Variants in ARB2A observed in about 807,000 individuals in gnomAD.
ARB2A encodes cotranscriptional regulator ARB2A.
At chr5:93,638,119 T>C in the ARB2A span, among the ~76,000 whole-genome samples, 1 of 152,232 alleles carries the variant, frequency 6.6e-6, no homozygotes, top group Non-Finnish European at 1.5e-5. Flanking sequence ...CTTGGAACTT[T>C]CCTAAACATT....
chr5:93,987,222 C>G, the ARB2A span, among the ~76,000 whole-genome samples: 33 of 152,062 alleles, frequency 2.2e-4, no homozygotes, highest in East Asian at 5.6e-3. Context: ...CCATCCTAGC[C>G]GCCTCCTAGA....
chr5:93,792,028 G>A, the ARB2A span, among the ~76,000 whole-genome samples: 9 of 152,142 alleles, frequency 5.9e-5, no homozygotes, highest in African/African-American at 2.2e-4. Context: ...TGTGGTTGGG[G>A]GTGGGGAGGG....
the ARB2A span, among the ~76,000 whole-genome samples, chr5:94,003,832 G>A: frequency 1.3e-5 from 2 of 152,086 alleles, no homozygotes; most frequent in Admixed American, 6.5e-5. Flanking sequence ...ATTTTTGGTA[G>A]ATATAGATGA....
At chr5:93,724,725 A>G in the ARB2A span, among the ~76,000 whole-genome samples, 2 of 152,156 alleles carry the variant, frequency 1.3e-5, no homozygotes, top group East Asian at 3.9e-4. Flanking sequence ...ACCAAACCCT[A>G]CATATACAGT....
chr5:93,793,699 GGTTCCCTAGGAAA>G, the ARB2A span, among the ~76,000 whole-genome samples: 27 of 152,234 alleles, frequency 1.8e-4, no homozygotes, highest in East Asian at 3.9e-3. Context: ...ATCACAGGTT[GGTTCCCTAGGAAA>G]GACTCTAAGA....
chr5:93,730,971 T>C, the ARB2A span, among the ~76,000 whole-genome samples: 1 of 152,126 alleles, frequency 6.6e-6, no homozygotes, highest in African/African-American at 2.4e-5. Flanking sequence ...CCTAGAATGG[T>C]GGTATTATTT....
chr5:93,782,499 A>T, the ARB2A span, among the ~76,000 whole-genome samples: 1 of 152,286 alleles, frequency 6.6e-6, no homozygotes. Context: ...GCTTGTTCTG[A>T]ATTACTTCCA....
At chr5:93,646,698 A>T in the ARB2A span, among the ~76,000 whole-genome samples, 1 of 152,094 alleles carries the variant, frequency 6.6e-6, no homozygotes, top group East Asian at 1.9e-4. Context: ...TAAAAAAAAA[A>T]TCATAAAATT....
At chr5:93,650,481 C>T in the ARB2A span, among the ~76,000 whole-genome samples, 1 of 151,930 alleles carries the variant, frequency 6.6e-6, no homozygotes, top group Non-Finnish European at 1.5e-5. Flanking sequence ...AGGGGAAAAA[C>T]AGATTGGCAG....
At chr5:93,784,456 A>C in the ARB2A span, 1 of 1,613,422 alleles carries the variant, frequency 6.2e-7, no homozygotes, top group Non-Finnish European at 8.5e-7. Flanking sequence ...TGTCAATGCC[A>C]CAGCAGTTAC....
chr5:94,050,872 T>C, the ARB2A span: 2 of 1,340,086 alleles, frequency 1.5e-6, no homozygotes, highest in Non-Finnish European at 2.1e-6. Context: ...CTTCAAAGTA[T>C]ATTGACAATA....
the ARB2A span, chr5:93,862,161 T>C: frequency 1.3e-5 from 2 of 152,258 alleles, no homozygotes; most frequent in African/African-American, 4.8e-5. Context: ...TATTTACAAA[T>C]AGAAAATTCA....
chr5:94,029,022 G>C, the ARB2A span, among the ~76,000 whole-genome samples: 1 of 152,024 alleles, frequency 6.6e-6, no homozygotes, highest in Admixed American at 6.6e-5. Flanking sequence ...ATTTTGTTTT[G>C]TTTGAGATAG....
the ARB2A span, among the ~76,000 whole-genome samples, chr5:93,973,653 G>A: frequency 8.0e-6 from 1 of 125,312 alleles, no homozygotes; most frequent in Non-Finnish European, 1.9e-5. Context: ...TTCTTAAAAG[G>A]CAGCCATGGA....
At chr5:94,102,054 G>C in the ARB2A span, among the ~76,000 whole-genome samples, 1 of 149,140 alleles carries the variant, frequency 6.7e-6, no homozygotes, top group Non-Finnish European at 1.5e-5. Flanking sequence ...CTGAAAATTA[G>C]CTTTAACTAT....
chr5:93,984,518 T>C, the ARB2A span, among the ~76,000 whole-genome samples: 2 of 152,246 alleles, frequency 1.3e-5, no homozygotes, highest in African/African-American at 2.4e-5. Context: ...TGCCATACTT[T>C]GTTGTTTTGT....
the ARB2A span, among the ~76,000 whole-genome samples, chr5:94,046,568 G>T: frequency 1.3e-5 from 2 of 152,168 alleles, no homozygotes; most frequent in Admixed American, 1.3e-4. Context: ...CTGCCCAGTA[G>T]ATAAGGCACC....
chr5:93,703,706 G>T, the ARB2A span, among the ~76,000 whole-genome samples: 1 of 152,180 alleles, frequency 6.6e-6, no homozygotes, highest in South Asian at 2.1e-4. Flanking sequence ...ACCAGTGGCC[G>T]AAGGGTGGCA....
chr5:93,633,200 T>G, the ARB2A span, among the ~76,000 whole-genome samples: 11 of 152,196 alleles, frequency 7.2e-5, no homozygotes, highest in Non-Finnish European at 1.6e-4. Context: ...TCATGAAAGT[T>G]TTTTTCTTCC....
Sources: gnomAD v4.1 joint callset for allele counts (sites outside exome capture counted in the v4.1 genomes callset) on GRCh38, gnomAD v4.1.1 for gene constraint, MANE v1.5 for transcripts, NCBI Gene and HGNC (gene_info 2026-07-23, HGNC 2026-07-21) for gene names.